The following HS3ST4 variants were observed in gnomAD, a reference collection of about 807,000 sequenced individuals.
HS3ST4 encodes the protein heparan sulfate-glucosamine 3-sulfotransferase 4, also known as heparan sulfate glucosamine 3-O-sulfotransferase 4.
In HS3ST4, 17 loss-of-function variants were observed where a neutral mutation model predicts 29.2. The observed-to-expected ratio is 0.58, with a 90% confidence interval of 0.40 to 0.87. HS3ST4 has a LOEUF of 0.87. Ranked by LOEUF, HS3ST4 falls within the 40% of genes least tolerant of loss-of-function variation. HS3ST4 has a pLI of 0.00. For synonymous variants in HS3ST4, 314 were observed against 285.7 expected (o/e 1.10, Z -1.00); for missense variants, 627 against 634.5 (o/e 0.99, Z 0.13).
intron 1 of HS3ST4, among the ~76,000 whole-genome samples, chr16:26,053,446 A>G (rs924081267): frequency 5.3e-5 from 8 of 152,356 alleles, no homozygotes; most frequent in African/African-American, 1.4e-4. Context: ...ATCTGAGGAA[A>G]AAAGCAGTTC....
chr16:26,066,125 G>A (rs1898539181), intron 1 of HS3ST4, among the ~76,000 whole-genome samples: 1 of 152,246 alleles, frequency 6.6e-6, no homozygotes, highest in Non-Finnish European at 1.5e-5. Context: ...TAAAATGCAA[G>A]GCACGAGTAA....
At chr16:25,798,912 C>G (rs953405579) in intron 1 of HS3ST4, among the ~76,000 whole-genome samples, 1 of 152,164 alleles carries the variant, frequency 6.6e-6, no homozygotes, top group Non-Finnish European at 1.5e-5. Flanking sequence ...CAGCACCTCC[C>G]TGGACATTGG....
chr16:25,804,320 C>G (rs1966968868), intron 1 of HS3ST4, among the ~76,000 whole-genome samples: 1 of 152,148 alleles, frequency 6.6e-6, no homozygotes, highest in South Asian at 2.1e-4. Flanking sequence ...CCAGAAAGAG[C>G]TCTGCAAATT....
At chr16:26,070,266 A>G (rs903981705) in intron 1 of HS3ST4, among the ~76,000 whole-genome samples, 1 of 152,086 alleles carries the variant, frequency 6.6e-6, no homozygotes, top group African/African-American at 2.4e-5. Flanking sequence ...GTGTGAGATG[A>G]TATGTCATTG....
chr16:25,880,336 C>T (rs761916987), intron 1 of HS3ST4, among the ~76,000 whole-genome samples: 39 of 152,078 alleles, frequency 2.6e-4, no homozygotes, highest in Non-Finnish European at 4.9e-4. Context: ...GTGCCTGACA[C>T]GTGGTTAACA....
intron 1 of HS3ST4, among the ~76,000 whole-genome samples, chr16:25,927,234 G>GA (rs1196812898): frequency 6.6e-6 from 1 of 152,134 alleles, no homozygotes; most frequent in Non-Finnish European, 1.5e-5. Context: ...AGCATTTGGG[G>GA]AAAAAAATTG....
At chr16:25,906,648 T>C (rs1201017434) in intron 1 of HS3ST4, among the ~76,000 whole-genome samples, 1 of 152,234 alleles carries the variant, frequency 6.6e-6, no homozygotes, top group African/African-American at 2.4e-5. Context: ...GAAACATTTA[T>C]ACCTGTTTAA....
At chr16:25,694,543 A>G (rs1966279399) in intron 1 of HS3ST4, among the ~76,000 whole-genome samples, 2 of 152,198 alleles carry the variant, frequency 1.3e-5, no homozygotes, top group Admixed American at 1.3e-4. Flanking sequence ...CAAAACATAA[A>G]ACAGCAAATG....
At position 26,032,699 on chromosome 16, in the gene HS3ST4, T is replaced by A. The variant is rs976816716; in HGVS notation, c.735-102913T>A. ...TGCAGGGGCCTTTTTAGTCTTGGGC[T>A]CTGGCTTTGGAGGAGCAGGTTTAGC... On this transcript the variant is annotated intron_variant, in intron 1 of 1. Coordinates refer to ENST00000331351, the MANE Select transcript of HS3ST4 (RefSeq NM_006040.3). 20 of 1,284,710 alleles carry A rather than the reference T, an allele frequency of 1.6e-5. No homozygotes were observed. In the African/African-American group the frequency reaches 2.6e-4, roughly 17 times the overall value. 79.6% of individuals were successfully genotyped at this position (1,284,710 alleles called of 1,614,324 possible). A position where few individuals can be genotyped will look rare whatever the true frequency, so the allele number is the denominator to read the frequency against.
chr16:25,929,675 C>T (rs1475930354), intron 1 of HS3ST4, among the ~76,000 whole-genome samples: 1 of 152,168 alleles, frequency 6.6e-6, no homozygotes, highest in African/African-American at 2.4e-5. Context: ...ATCTCAAGGG[C>T]TTCGCACAGG....
At chr16:25,991,997 G>A (rs560076409) in intron 1 of HS3ST4, among the ~76,000 whole-genome samples, 7 of 152,182 alleles carry the variant, frequency 4.6e-5, no homozygotes, top group Admixed American at 1.3e-4. Context: ...CTCCGGCCTG[G>A]GCGACAGAGC....
Position 26,052,722 on chromosome 16 carries a change from C to T in HS3ST4, c.735-82890C>T, listed in dbSNP as rs4078473. Among the ~76,000 whole-genome samples, 90 of 152,338 alleles carry T rather than the reference C, an allele frequency of 5.9e-4. 1 individual carries two copies. The highest frequency in any genetic ancestry group is 1.4e-3 in the Admixed American group (21 of 15,300). On this transcript the variant is annotated intron_variant, in intron 1 of 1. Coordinates refer to ENST00000331351, the MANE Select transcript of HS3ST4 (RefSeq NM_006040.3). ...GTTGCCTTTTCTCCTAGGAATCTGC[C>T]TCATATCAGAGAACCTTTAGGGAGC...
intron 1 of HS3ST4, among the ~76,000 whole-genome samples, chr16:25,801,579 T>C (rs1393465470): frequency 2.0e-5 from 3 of 152,220 alleles, no homozygotes; most frequent in African/African-American, 4.8e-5. Flanking sequence ...TGGAGGAAGA[T>C]AAGGTCTGGT....
At chr16:25,881,550 G>A (rs941776033) in intron 1 of HS3ST4, among the ~76,000 whole-genome samples, 26 of 152,302 alleles carry the variant, frequency 1.7e-4, no homozygotes, top group Admixed American at 7.2e-4. Context: ...CAAACTCCAG[G>A]TGAAGTGGTT....
chr16:26,084,769 G>GT (rs71931851), intron 1 of HS3ST4, among the ~76,000 whole-genome samples: 45 of 148,830 alleles, frequency 3.0e-4, no homozygotes, highest in African/African-American at 7.4e-4. Context: ...AGTTGTTGTT[G>GT]TTTTTTTTTT....
chr16:26,093,462 A>G (rs1014482479), intron 1 of HS3ST4, among the ~76,000 whole-genome samples: 7 of 152,200 alleles, frequency 4.6e-5, no homozygotes, highest in Non-Finnish European at 8.8e-5. Flanking sequence ...GATGATACCC[A>G]GGCAAACAGG....
chr16:26,014,030 A>ATAAATAAATAAT (rs1276530279), intron 1 of HS3ST4, among the ~76,000 whole-genome samples: 12 of 151,628 alleles, frequency 7.9e-5, no homozygotes, highest in African/African-American at 2.9e-4. Flanking sequence ...AAATAAATAA[A>ATAAATAAATAAT]TAAATAAATA....
intron 1 of HS3ST4, among the ~76,000 whole-genome samples, chr16:25,771,644 C>T (rs1225221554): frequency 5.3e-5 from 8 of 152,132 alleles, no homozygotes; most frequent in African/African-American, 1.9e-4. Context: ...GGTGTCATAA[C>T]TTGTGTGCCC....
intron 1 of HS3ST4, among the ~76,000 whole-genome samples, chr16:26,061,154 T>A (rs1283547748): frequency 6.6e-6 from 1 of 152,216 alleles, no homozygotes; most frequent in Non-Finnish European, 1.5e-5. Flanking sequence ...ATGTAGAAAC[T>A]TGTCAAAGTT....
Sources: gnomAD v4.1 joint callset for allele counts (sites outside exome capture counted in the v4.1 genomes callset) on GRCh38, gnomAD v4.1.1 for gene constraint, MANE v1.5 for transcripts, NCBI Gene and HGNC (gene_info 2026-07-23, HGNC 2026-07-21) for gene names.